Variants in NUGGC observed in about 807,000 individuals in gnomAD.
NUGGC encodes the protein nuclear GTPase, germinal center associated.
Under a neutral mutation model 92.6 loss-of-function variants are expected in NUGGC, and 58 were observed. The ratio of observed to expected loss-of-function variants is 0.63; its 90% CI spans 0.51 to 0.78. The LOEUF (loss-of-function observed/expected upper bound fraction) is 0.78, where lower values mean the gene tolerates loss of function less well. Ranked by LOEUF, NUGGC falls within the 30% of genes least tolerant of loss-of-function variation. NUGGC has a pLI of 0.00. For missense variants in NUGGC, 925 were observed against 964.6 expected, an observed-to-expected ratio of 0.96 and a Z score of 0.54; for synonymous variants, 376 against 366.4, an observed-to-expected ratio of 1.03 and a Z score of -0.30.
chr8:28,081,906 GT>G (rs1810860511), intron 1 of NUGGC, among the ~76,000 whole-genome samples: 1 of 150,566 alleles, frequency 6.6e-6, no homozygotes, highest in South Asian at 2.1e-4. Flanking sequence ...CTTTGGTCAA[GT>G]TTTTTCTTGC....
In NUGGC at chr8:28,067,743, TC is replaced by T; in HGVS notation, c.481del (p.Glu161SerfsTer6). The T allele has an allele frequency of 1.2e-6, 2 of 1,608,556 alleles. No homozygotes were observed. On this transcript the variant is annotated frameshift_variant and splice_region_variant, in exon 6 of 19. Transcript: ENST00000413272. LOFTEE classifies it high-confidence loss of function. ...EAKIHLLSDQ[E>X]WREELKNLTK... ...CAGGTTCTTCAGCTCCTCCCTCCAC[TC>T]CTGCCAAGGCAGAGTAGGGCCAAGC...
At chr8:28,076,478 G>C (rs2130283983) in intron 1 of NUGGC, among the ~76,000 whole-genome samples, 1 of 152,220 alleles carries the variant, frequency 6.6e-6, no homozygotes, top group Non-Finnish European at 1.5e-5. Context: ...TACAATTTTA[G>C]TAGAGATGGG....
intron 1 of NUGGC, among the ~76,000 whole-genome samples, chr8:28,079,858 T>C (rs1810806825): frequency 6.6e-6 from 1 of 152,214 alleles, no homozygotes; most frequent in Admixed American, 6.5e-5. Flanking sequence ...TTGATAGAAT[T>C]GTATGCAGGA....
intron 7 of NUGGC, among the ~76,000 whole-genome samples, chr8:28,061,928 G>T (rs1810317234): frequency 6.6e-6 from 1 of 152,044 alleles, no homozygotes. Flanking sequence ...CTGATCCAGG[G>T]CAGTGGGTTT....
At chr8:28,060,665 T>A in intron 7 of NUGGC, 64 bp from the exon 8 acceptor site, 1 of 1,466,756 alleles carries the variant, frequency 6.8e-7, no homozygotes, top group Non-Finnish European at 9.3e-7. Flanking sequence ...GAGGACCGGT[T>A]CCCTAATGTA....
chr8:28,029,702 T>A (rs920139825), intron 16 of NUGGC, among the ~76,000 whole-genome samples: 8 of 151,982 alleles, frequency 5.3e-5, no homozygotes, highest in Non-Finnish European at 1.0e-4. Flanking sequence ...TGAGCTGAGA[T>A]CGCTGCCACT....
chr8:28,076,092 A>G (rs561221929), intron 1 of NUGGC, among the ~76,000 whole-genome samples: 94 of 152,316 alleles, frequency 6.2e-4, no homozygotes, highest in African/African-American at 2.2e-3. Context: ...CTGTGTTATA[A>G]CACTGACTGT....
intron 3 of NUGGC, among the ~76,000 whole-genome samples, chr8:28,069,890 T>A (rs765757611): frequency 6.6e-6 from 1 of 152,244 alleles, no homozygotes; most frequent in Non-Finnish European, 1.5e-5. Context: ...TAACAGAAGT[T>A]ATGGTATGCT....
chr8:28,057,631 G>A (rs1280164303), intron 9 of NUGGC, among the ~76,000 whole-genome samples: 1 of 152,076 alleles, frequency 6.6e-6, no homozygotes, highest in Admixed American at 6.5e-5. Flanking sequence ...GAGTCACCAA[G>A]TCCTGCCATG....
At chr8:28,066,823 A>G (rs1408886456) in intron 6 of NUGGC, among the ~76,000 whole-genome samples, 1 of 152,202 alleles carries the variant, frequency 6.6e-6, no homozygotes, top group Non-Finnish European at 1.5e-5. Flanking sequence ...TTTCTGTCTG[A>G]CTGGGGAGGC....
chr8:28,043,413 C>G (rs1249759805), intron 12 of NUGGC, among the ~76,000 whole-genome samples: 2 of 152,130 alleles, frequency 1.3e-5, no homozygotes, highest in Non-Finnish European at 2.9e-5. Flanking sequence ...AAAAATCAAT[C>G]ACACACATAT....
intron 14 of NUGGC, among the ~76,000 whole-genome samples, chr8:28,032,200 T>C (rs1326989010): frequency 6.6e-6 from 1 of 152,050 alleles, no homozygotes; most frequent in African/African-American, 2.4e-5. Context: ...GCCCACAGAA[T>C]TGTAAACAGG....
In NUGGC at chr8:28,067,580, C is replaced by T. The variant is rs778068842; in HGVS notation, c.645G>A (p.Glu215=). 2.5e-6 allele frequency: 4 copies of T among 1,613,566 alleles called. No individual in the cohort carries two copies. The highest frequency in any genetic ancestry group is 3.4e-6 in the Non-Finnish European group (4 of 1,179,750). The change falls in exon 6 of 19, where the codon GAG becomes GAA. Residue 215 remains glutamate (E), a synonymous_variant. Transcript: ENST00000413272. ...GNGAESKNYE[E]LLRAKPKRKI... is the part of the protein sequence containing the mutation. ...TCCTTTTGGGCTTCGCCCTCAGTAA[C>T]TCCTCATAGTTCTTACTCTCTGCCC...
At chr8:28,057,664 T>G (rs1447609369) in intron 9 of NUGGC, among the ~76,000 whole-genome samples, 2 of 152,138 alleles carry the variant, frequency 1.3e-5, no homozygotes, top group Non-Finnish European at 2.9e-5. Flanking sequence ...ACATTTTCTT[T>G]TCTCTAGCTT....
intron 10 of NUGGC, among the ~76,000 whole-genome samples, chr8:28,054,715 G>A (rs527780364): frequency 2.0e-5 from 3 of 152,072 alleles, no homozygotes; most frequent in African/African-American, 7.2e-5. Flanking sequence ...GTGCCTTCTC[G>A]ACTTTTTCAC....
At chr8:28,076,766 G>A (rs1002515052) in intron 1 of NUGGC, among the ~76,000 whole-genome samples, 2 of 152,168 alleles carry the variant, frequency 1.3e-5, no homozygotes, top group African/African-American at 4.8e-5. Context: ...AGAAGATGGG[G>A]GCAGGGGCCT....
At chr8:28,080,665 T>C (rs534493354) in intron 1 of NUGGC, among the ~76,000 whole-genome samples, 18 of 152,312 alleles carry the variant, frequency 1.2e-4, no homozygotes, top group Admixed American at 3.9e-4. Context: ...TATCTAGATC[T>C]AGATATAGAT....
intron 6 of NUGGC, among the ~76,000 whole-genome samples, chr8:28,064,988 G>A (rs1377322879): frequency 2.0e-5 from 3 of 152,086 alleles, no homozygotes; most frequent in African/African-American, 7.2e-5. Flanking sequence ...GGAAGTTATA[G>A]TATTGCTGAA....
intron 18 of NUGGC, 44 bp downstream of exon 18, chr8:28,026,918 C>T: frequency 7.6e-7 from 1 of 1,307,242 alleles, no homozygotes; most frequent in Non-Finnish European, 1.1e-6. Flanking sequence ...ACAGCCAGGG[C>T]TGTCTGCACA....
Sources: gnomAD v4.1 joint callset for allele counts (sites outside exome capture counted in the v4.1 genomes callset) on GRCh38, gnomAD v4.1.1 for gene constraint, MANE v1.5 for transcripts, NCBI Gene and HGNC (gene_info 2026-07-23, HGNC 2026-07-21) for gene names.